STXBP6: variants seen among roughly 807,000 people sequenced by gnomAD.
STXBP6 encodes syntaxin-binding protein 6.
STXBP6 carries 21 observed loss-of-function variants against 26.9 expected under a neutral mutation model. That is an observed-to-expected ratio of 0.78 (90% confidence interval 0.55 to 1.12). STXBP6 has a LOEUF of 1.12. Ranked by LOEUF, STXBP6 falls within the 50% of genes most tolerant of loss-of-function variation. The pLI is 0.00. For synonymous variants in STXBP6, 97 were observed against 92.6 expected, an observed-to-expected ratio of 1.05 and a Z score of -0.27; for missense variants, 232 against 257.9, an observed-to-expected ratio of 0.90 and a Z score of 0.69.
intron 1 of STXBP6, among the ~76,000 whole-genome samples, chr14:24,995,449 T>C (rs1285429695): frequency 6.6e-6 from 1 of 151,982 alleles, no homozygotes; most frequent in Non-Finnish European, 1.5e-5. Context: ...TTTGCATGAA[T>C]GGATGAACCC....
chr14:24,855,876 C>T, intron 4 of STXBP6, 60 bp downstream of exon 4: 2 of 1,501,504 alleles, frequency 1.3e-6, no homozygotes, highest in Non-Finnish European at 1.8e-6. Flanking sequence ...CTCCTAACTT[C>T]TTAAGTAAAA....
At chr14:24,868,656 TAA>T (rs1412877570) in intron 2 of STXBP6, among the ~76,000 whole-genome samples, 4 of 152,176 alleles carry the variant, frequency 2.6e-5, no homozygotes, top group African/African-American at 9.7e-5. Context: ...ACCTGCATTT[TAA>T]AAAGTGTTCT....
chr14:24,855,938 C>G lies in STXBP6; in HGVS notation c.449G>C (p.Gly150Ala). The change falls in exon 4 of 6, where the codon GGA becomes GCA. Residue 150 changes from glycine (G) to alanine (A), a missense_variant and splice_region_variant. By Grantham distance (60) the Gly-to-Ala change is moderately conservative (BLOSUM62 0). Transcript: ENST00000323944. ...AAGTCACACAAATGTCCACTCACCT[C>G]CCATAATTTTGGATTGGCAGTTAAT... is the stretch of plus-strand genomic sequence containing the variant. ...EFINCQSKIM[G>A]GNSILHSAAD... The G allele has an allele frequency of 6.2e-7, 1 of 1,600,490 alleles. No individual in the cohort carries two copies. Among genetic ancestry groups the G allele is most frequent in the Non-Finnish European group, 8.5e-7 (1 of 1,175,038 alleles).
chr14:24,876,822 G>T (rs939749377), intron 2 of STXBP6, among the ~76,000 whole-genome samples: 1 of 152,174 alleles, frequency 6.6e-6, no homozygotes, highest in Non-Finnish European at 1.5e-5. Context: ...TTAAAAATTA[G>T]AGCAATGATG....
intron 4 of STXBP6, among the ~76,000 whole-genome samples, chr14:24,839,181 A>T (rs17108738): frequency 0.069 from 10,527 of 152,164 alleles, 448 homozygotes; most frequent in African/African-American, 0.11. Context: ...AATTTTAGAC[A>T]TATCTGTGTT....
chr14:24,844,526 A>C (rs2139053857), intron 4 of STXBP6, among the ~76,000 whole-genome samples: 1 of 152,326 alleles, frequency 6.6e-6, no homozygotes, highest in South Asian at 2.1e-4. Context: ...AGTTAGTGCC[A>C]GAACTGGATT....
intron 2 of STXBP6, among the ~76,000 whole-genome samples, chr14:24,867,802 T>A (rs1345083389): frequency 6.6e-6 from 1 of 152,174 alleles, no homozygotes; most frequent in African/African-American, 2.4e-5. Flanking sequence ...ATTTATGAAA[T>A]ATAAAGTTAA....
intron 2 of STXBP6, among the ~76,000 whole-genome samples, chr14:24,950,978 A>G (rs931682953): frequency 6.6e-6 from 1 of 151,748 alleles, no homozygotes; most frequent in African/African-American, 2.4e-5. Flanking sequence ...TTTATGAGTG[A>G]GAGCATGCGG....
chr14:24,878,660 G>T, intron 2 of STXBP6: 1 of 212,798 alleles, frequency 4.7e-6, no homozygotes, highest in African/African-American at 2.3e-5. Context: ...ACCTTTTTCA[G>T]TCCACCACTA....
intron 2 of STXBP6, among the ~76,000 whole-genome samples, chr14:24,930,991 G>A (rs1443317238): frequency 6.9e-6 from 1 of 144,312 alleles, no homozygotes; most frequent in African/African-American, 2.6e-5. Context: ...GGCGCCTGTA[G>A]TCCCAGCTAC....
intron 2 of STXBP6, among the ~76,000 whole-genome samples, chr14:24,938,566 T>C (rs2072683031): frequency 6.6e-6 from 1 of 150,762 alleles, no homozygotes; most frequent in Non-Finnish European, 1.5e-5. Flanking sequence ...AGCCATTCTT[T>C]CACATTTTAG....
Position 24,810,478 on chromosome 14 carries a change from C to T in STXBP6, c.*2231G>A, listed in dbSNP as rs1166606764. On this transcript the variant is annotated 3_prime_UTR_variant, in exon 6 of 6. Transcript: ENST00000323944. ...GACACTGAGAGGTCAAAGGTATGAA[C>T]GCAGCCTGGAAACTAATCATTAGAG... 2.0e-5 allele frequency: 3 copies of T among 152,120 alleles called. No homozygotes were observed. The highest frequency in any genetic ancestry group is 2.4e-5 in the African/African-American group (1 of 41,414). The allele number at this position is 152,120 out of a possible 1,614,324, so 9.4% of individuals were successfully genotyped here. A position where few individuals can be genotyped will look rare whatever the true frequency, so the allele number is the denominator to read the frequency against.
chr14:24,907,437 G>A (rs1566465049), intron 2 of STXBP6, among the ~76,000 whole-genome samples: 6 of 152,124 alleles, frequency 3.9e-5, no homozygotes. Context: ...GTACACAGTT[G>A]TCTATATATC....
chr14:24,860,691 C>A (rs151321069), intron 2 of STXBP6, among the ~76,000 whole-genome samples: 8,678 of 152,034 alleles, frequency 0.057, 313 homozygotes, highest in East Asian at 0.18. Flanking sequence ...TGAATAACAT[C>A]TTTTTACACA....
intron 1 of STXBP6, among the ~76,000 whole-genome samples, chr14:24,976,895 C>CTTTTTTTTTTTTTT (rs1555336260): frequency 3.4e-5 from 3 of 87,142 alleles, no homozygotes; most frequent in African/African-American, 1.6e-4. Context: ...CAGAGTCTTG[C>CTTTTTTTTTTTTTT]TTTATCACCC....
intron 2 of STXBP6, among the ~76,000 whole-genome samples, chr14:24,932,932 A>G (rs940974197): frequency 1.3e-5 from 2 of 152,256 alleles, no homozygotes; most frequent in African/African-American, 2.4e-5. Context: ...TAGTAGACAT[A>G]TGAATGGAAA....
chr14:24,876,267 G>A (rs1188004729), intron 2 of STXBP6, among the ~76,000 whole-genome samples: 1 of 152,206 alleles, frequency 6.6e-6, no homozygotes, highest in Admixed American at 6.5e-5. Flanking sequence ...CTTGACCTGG[G>A]ATGAATCTTA....
intron 2 of STXBP6, among the ~76,000 whole-genome samples, chr14:24,923,589 T>C (rs1300401043): frequency 6.6e-6 from 1 of 152,202 alleles, no homozygotes; most frequent in Non-Finnish European, 1.5e-5. Flanking sequence ...TTGCTCTACA[T>C]CTTCACCATT....
chr14:24,986,224 C>T (rs2074329144), intron 1 of STXBP6, among the ~76,000 whole-genome samples: 1 of 152,176 alleles, frequency 6.6e-6, no homozygotes, highest in Admixed American at 6.5e-5. Context: ...TCTTGGCTAT[C>T]ACCTTTTTCC....
Sources: gnomAD v4.1 joint callset for allele counts (sites outside exome capture counted in the v4.1 genomes callset) on GRCh38, gnomAD v4.1.1 for gene constraint, MANE v1.5 for transcripts, NCBI Gene and HGNC (gene_info 2026-07-23, HGNC 2026-07-21) for gene names.